PPM1A: variants seen among roughly 807,000 people sequenced by gnomAD.
PPM1A encodes protein phosphatase 1A.
PPM1A carries 7 observed loss-of-function variants against 35.0 expected under a neutral mutation model. The ratio of observed to expected loss-of-function variants is 0.20; its 90% CI spans 0.11 to 0.38. The LOEUF (loss-of-function observed/expected upper bound fraction) is 0.38. Ranked by LOEUF, PPM1A falls within the 10% of genes least tolerant of loss-of-function variation. PPM1A has a pLI of 1.00. For missense variants in PPM1A, 239 were observed against 467.8 expected (o/e 0.51, Z 4.51); for synonymous variants, 153 against 167.3 (o/e 0.91, Z 0.66).
chr14:60,272,642 G>A (rs1248969778), intron 1 of PPM1A, among the ~76,000 whole-genome samples: 1 of 128,822 alleles, frequency 7.8e-6, no homozygotes, highest in East Asian at 2.4e-4. Context: ...CGGGAGCCAA[G>A]ATCATGCCGC....
At chr14:60,274,877 T>G (rs988858393) in intron 1 of PPM1A, among the ~76,000 whole-genome samples, 2 of 151,778 alleles carry the variant, frequency 1.3e-5, no homozygotes, top group Non-Finnish European at 2.9e-5. Context: ...AGCTAATGAA[T>G]ACTGAGTCTC....
At chr14:60,246,014 A>G (rs765985939), upstream of PPM1A, 1 of 1,584,076 alleles carries the variant, frequency 6.3e-7, no homozygotes, top group Non-Finnish European at 8.6e-7. Context: ...AACCAAATGA[A>G]GAGGATGTGT....
intron 1 of PPM1A, among the ~76,000 whole-genome samples, chr14:60,278,354 T>TG (rs1491573377): frequency 2.0e-5 from 3 of 148,014 alleles, no homozygotes; most frequent in African/African-American, 7.8e-5. Context: ...TTTTTTTTTT[T>TG]GACTTCTTAG....
In PPM1A at chr14:60,249,580, C is replaced by T; in HGVS notation, c.-118C>T. The T allele has an allele frequency of 1.0e-6, 1 of 987,114 alleles. No individual in the cohort carries two copies. The highest frequency in any genetic ancestry group is 1.2e-6 in the Non-Finnish European group (1 of 831,190). 61.1% of individuals were successfully genotyped at this position (987,114 alleles called of 1,614,324 possible). ...CCCGCCGCTGCAGCGGTGACCCCTC[C>T]CCCGGCTGCCGCCGTCGCCGCCGCG... On this transcript the variant is annotated 5_prime_UTR_variant, in exon 1 of 6. Transcript: ENST00000395076. This position sits in a 1 kb window ranked among gnomAD's most constrained non-coding sequence, Gnocchi z 4.5.
intron 1 of PPM1A, among the ~76,000 whole-genome samples, chr14:60,279,292 GTATTAA>G (rs1295088441): frequency 1.3e-5 from 2 of 151,978 alleles, no homozygotes; most frequent in African/African-American, 2.4e-5. Flanking sequence ...CTAATTTTTT[GTATTAA>G]TAGAGACAGG....
intron 3 of PPM1A, chr14:60,286,201 A>T: frequency 8.1e-6 from 8 of 986,236 alleles, no homozygotes; most frequent in Non-Finnish European, 9.6e-6. Context: ...CATCATTAGC[A>T]ACTTTATATA....
intron 1 of PPM1A, among the ~76,000 whole-genome samples, chr14:60,275,671 C>A (rs771177297): frequency 1.3e-5 from 2 of 151,772 alleles, no homozygotes; most frequent in Non-Finnish European, 2.9e-5. Flanking sequence ...TACAGAGTCA[C>A]GCTATTTTGC....
chr14:60,276,025 G>A (rs1310346475), intron 1 of PPM1A, among the ~76,000 whole-genome samples: 4 of 152,150 alleles, frequency 2.6e-5, no homozygotes, highest in Non-Finnish European at 5.9e-5. Context: ...TAGAGATGTA[G>A]CTGCAAGGGT....
intron 3 of PPM1A, chr14:60,287,339 GTTA>G: frequency 2.0e-6 from 2 of 984,278 alleles, no homozygotes; most frequent in Non-Finnish European, 2.4e-6. Flanking sequence ...ATGTTAAAGT[GTTA>G]TTATACTTGT....
intron 1 of PPM1A, among the ~76,000 whole-genome samples, chr14:60,259,334 T>TA (rs1408879221): frequency 2.6e-5 from 4 of 152,122 alleles, no homozygotes; most frequent in Non-Finnish European, 4.4e-5. Context: ...CTTAAATGTT[T>TA]AATAAGTTAT....
At chr14:60,279,256 T>G (rs1051380701) in intron 1 of PPM1A, among the ~76,000 whole-genome samples, 1 of 152,098 alleles carries the variant, frequency 6.6e-6, no homozygotes, top group Non-Finnish European at 1.5e-5. Context: ...GTAGTTGGGA[T>G]TACAGGCGCC....
intron 1 of PPM1A, among the ~76,000 whole-genome samples, chr14:60,251,872 CAA>C (rs1239625510): frequency 4.0e-5 from 6 of 151,764 alleles, no homozygotes. Flanking sequence ...TCATGGGAGA[CAA>C]AGGGTGGTTG....
upstream of PPM1A, among the ~76,000 whole-genome samples, chr14:60,246,426 A>G (rs7161095): frequency 0.02 from 3,097 of 152,292 alleles, 110 homozygotes; most frequent in African/African-American, 0.07. Flanking sequence ...TCTTGTAGAT[A>G]ATCTTTTTCT....
rs1275525941 is a variant in PPM1A, at chr14:60,296,254, C to A, written c.*3772C>A. On this transcript the variant is annotated 3_prime_UTR_variant, in exon 6 of 6. Coordinates refer to ENST00000395076, the MANE Select transcript of PPM1A (RefSeq NM_021003.5). This position sits in a 1 kb window ranked among gnomAD's most constrained non-coding sequence, Gnocchi z 4.4. Reference sequence around the variant, plus strand: ...AATTTCACTGCCCATCTTTACTGGACAAACTCATTTGGAGTTCAACTTGTG... The same window carrying A: ...AATTTCACTGCCCATCTTTACTGGAAAAACTCATTTGGAGTTCAACTTGTG... 1 of 151,988 alleles carries A rather than the reference C, an allele frequency of 6.6e-6. No homozygotes were observed. Among genetic ancestry groups the A allele is most frequent in the Non-Finnish European group, 1.5e-5 (1 of 67,888 alleles). The allele number at this position is 151,988 out of a possible 1,614,324, so 9.4% of individuals were successfully genotyped here. A position where few individuals can be genotyped will look rare whatever the true frequency, so the allele number is the denominator to read the frequency against.
At chr14:60,284,722 C>CACATATAT (rs1555344275) in intron 2 of PPM1A, among the ~76,000 whole-genome samples, 1 of 112,428 alleles carries the variant, frequency 8.9e-6, no homozygotes, top group African/African-American at 3.5e-5. Flanking sequence ...TATATATATA[C>CACATATAT]ATATATATAT....
chr14:60,286,079 A>AT (rs1349194649), intron 3 of PPM1A: 1 of 999,742 alleles, frequency 1.0e-6, no homozygotes, highest in Admixed American at 5.9e-5. Flanking sequence ...GGTCTATTTA[A>AT]TTACAAAGAG....
intron 1 of PPM1A, among the ~76,000 whole-genome samples, chr14:60,279,342 C>G (rs1242347642): frequency 6.6e-6 from 1 of 152,136 alleles, no homozygotes. Flanking sequence ...GTCTCGAACT[C>G]CTGACCTCAA....
chr14:60,272,261 A>T (rs73317815), intron 1 of PPM1A, among the ~76,000 whole-genome samples: 1,939 of 152,160 alleles, frequency 0.013, 45 homozygotes, highest in African/African-American at 0.045. Flanking sequence ...TATAGAGATG[A>T]ACTTGGTTTT....
intron 1 of PPM1A, among the ~76,000 whole-genome samples, chr14:60,262,999 G>A (rs1883941852): frequency 6.6e-6 from 1 of 152,076 alleles, no homozygotes; most frequent in South Asian, 2.1e-4. Context: ...GGCTTAGGTG[G>A]GCAGATCAGG....
Sources: gnomAD v4.1 joint callset for allele counts (sites outside exome capture counted in the v4.1 genomes callset) on GRCh38, gnomAD v4.1.1 for gene constraint, Gnocchi (gnomAD v3.1) non-coding constraint, MANE v1.5 for transcripts, NCBI Gene and HGNC (gene_info 2026-07-23, HGNC 2026-07-21) for gene names.